Variants in ASTN2 observed in about 807,000 individuals in gnomAD.
ASTN2 encodes astrotactin-2.
In ASTN2, 54 loss-of-function variants were observed where a neutral mutation model predicts 139.8. The ratio of observed to expected loss-of-function variants is 0.39; its 90% CI spans 0.31 to 0.48. ASTN2 has a LOEUF of 0.48. ASTN2 is among the 20% of genes least tolerant of loss of function. The pLI is 0.95. For missense variants in ASTN2, 1,565 were observed against 1,725.1 expected, an observed-to-expected ratio of 0.91 and a Z score of 1.64; for synonymous variants, 756 against 719.5, an observed-to-expected ratio of 1.05 and a Z score of -0.81.
At chr9:117,339,378 G>A (rs1306744764) in intron 1 of ASTN2, among the ~76,000 whole-genome samples, 2 of 152,080 alleles carry the variant, frequency 1.3e-5, no homozygotes, top group Non-Finnish European at 2.9e-5. Flanking sequence ...GGCAGAAAGA[G>A]GCAAGGTCAC....
chr9:117,254,663 T>A (rs1327159450), intron 2 of ASTN2, among the ~76,000 whole-genome samples: 1 of 152,244 alleles, frequency 6.6e-6, no homozygotes. Flanking sequence ...CAGACAGTTG[T>A]ATATATGTGT....
chr9:116,936,827 C>T (rs1835096421), intron 10 of ASTN2, among the ~76,000 whole-genome samples: 1 of 152,126 alleles, frequency 6.6e-6, no homozygotes, highest in Non-Finnish European at 1.5e-5. Context: ...CTTGGCACAC[C>T]TTGTTTATGT....
intron 1 of ASTN2, among the ~76,000 whole-genome samples, chr9:117,356,655 G>GA (rs1829546302): frequency 3.9e-5 from 6 of 152,106 alleles, no homozygotes; most frequent in Admixed American, 3.3e-4. Context: ...ATATAAAAAA[G>GA]AAAATTAGAG....
intron 10 of ASTN2, among the ~76,000 whole-genome samples, chr9:116,952,598 G>A (rs1835594036): frequency 6.6e-6 from 1 of 152,226 alleles, no homozygotes; most frequent in Non-Finnish European, 1.5e-5. Context: ...GACATGGGCA[G>A]CGTGACATGC....
At chr9:116,869,959 T>A (rs63062060) in intron 10 of ASTN2, among the ~76,000 whole-genome samples, 14 of 133,144 alleles carry the variant, frequency 1.1e-4, no homozygotes, top group East Asian at 4.2e-4. Flanking sequence ...TTTTTTTTTT[T>A]AATTAGCCAG....
chr9:116,774,367 G>T (rs1463836939), intron 13 of ASTN2, among the ~76,000 whole-genome samples: 2 of 152,156 alleles, frequency 1.3e-5, no homozygotes, highest in African/African-American at 2.4e-5. Flanking sequence ...CAGGGTAAAG[G>T]AAAAGGTATC....
chr9:117,358,705 A>G (rs1455697422), intron 1 of ASTN2, among the ~76,000 whole-genome samples: 2 of 152,136 alleles, frequency 1.3e-5, no homozygotes, highest in Non-Finnish European at 2.9e-5. Context: ...GAGCAGAGAA[A>G]CGAAGAAAGT....
At chr9:117,071,323 GGGGGTCA>G (rs1564412277) in intron 5 of ASTN2, among the ~76,000 whole-genome samples, 1 of 151,804 alleles carries the variant, frequency 6.6e-6, no homozygotes, top group Non-Finnish European at 1.5e-5. Context: ...TAGGCTGCTC[GGGGGTCA>G]GGGGTCAGGG....
chr9:116,930,457 AAG>A, intron 10 of ASTN2, among the ~76,000 whole-genome samples: 1 of 151,822 alleles, frequency 6.6e-6, no homozygotes, highest in Non-Finnish European at 1.5e-5. Flanking sequence ...GAGTGAAAAA[AAG>A]GGGATGGCAC....
chr9:116,819,341 G>T (rs1361825441), intron 12 of ASTN2, among the ~76,000 whole-genome samples: 2 of 152,134 alleles, frequency 1.3e-5, no homozygotes, highest in Admixed American at 1.3e-4. Context: ...CTTAAGCTGA[G>T]GAGAGATCGC....
chr9:116,647,697 G>A (rs16933793), intron 17 of ASTN2, among the ~76,000 whole-genome samples: 4,471 of 152,280 alleles, frequency 0.029, 204 homozygotes, highest in African/African-American at 0.1. Context: ...TCACTGGAGC[G>A]AGTTCACAGA....
chr9:117,349,389 T>C (rs564118197), intron 1 of ASTN2, among the ~76,000 whole-genome samples: 2 of 152,312 alleles, frequency 1.3e-5, no homozygotes, highest in South Asian at 4.1e-4. Flanking sequence ...TTCGAACTTG[T>C]TGAGAATCTA....
intron 20 of ASTN2, among the ~76,000 whole-genome samples, chr9:116,469,880 T>G (rs1031482930): frequency 6.6e-6 from 1 of 152,168 alleles, no homozygotes; most frequent in Non-Finnish European, 1.5e-5. Flanking sequence ...ATTTAGATTA[T>G]GGGTTCTGGG....
At chr9:116,876,502 TTC>T (rs1301581153) in intron 10 of ASTN2, among the ~76,000 whole-genome samples, 1 of 152,188 alleles carries the variant, frequency 6.6e-6, no homozygotes, top group Non-Finnish European at 1.5e-5. Context: ...TTTCAAAAAG[TTC>T]TGTGGGTAAA....
At chr9:116,632,144 G>GAGAGAGAGAC (rs1564168547) in intron 17 of ASTN2, among the ~76,000 whole-genome samples, 4 of 76,776 alleles carry the variant, frequency 5.2e-5, no homozygotes, top group Admixed American at 1.5e-4. Context: ...GAGAGAGAGA[G>GAGAGAGAGAC]AGAGAGAGAG....
At chr9:117,142,491 A>T (rs188580085) in intron 3 of ASTN2, among the ~76,000 whole-genome samples, 1 of 152,166 alleles carries the variant, frequency 6.6e-6, no homozygotes, top group African/African-American at 2.4e-5. Flanking sequence ...GCCCCAAAAC[A>T]CAATATATGT....
intron 19 of ASTN2, among the ~76,000 whole-genome samples, chr9:116,493,811 G>T (rs955094807): frequency 6.6e-6 from 1 of 152,102 alleles, no homozygotes; most frequent in Non-Finnish European, 1.5e-5. Context: ...TGTGGGGGTG[G>T]GGACGGCAAG....
chr9:117,059,317 T>C lies in ASTN2; in HGVS notation c.1277-19352A>G, dbSNP rs145075711. Among the ~76,000 whole-genome samples the C allele has an allele frequency of 3.6e-3, 548 of 152,204 alleles. 6 individuals are homozygous for C. The highest frequency in any genetic ancestry group is 0.012 in the African/African-American group (516 of 41,540). On this transcript the variant is annotated intron_variant, in intron 5 of 22. Transcript: ENST00000313400. ...TCTTACTGCCATGGGGAAGTACAGA[T>C]AAAAACACAGAATAGGCCAGGCGTG... is the stretch of plus-strand genomic sequence containing the variant.
At chr9:116,771,560 C>T (rs1355300590) in intron 13 of ASTN2, among the ~76,000 whole-genome samples, 2 of 152,168 alleles carry the variant, frequency 1.3e-5, no homozygotes, top group African/African-American at 4.8e-5. Flanking sequence ...GAATCTGGCA[C>T]ATAGTAGGAG....
Sources: allele counts gnomAD v4.1 joint callset (sites outside exome capture counted in the v4.1 genomes callset), GRCh38; gene constraint gnomAD v4.1.1; transcripts MANE v1.5; gene names NCBI Gene and HGNC (gene_info 2026-07-23, HGNC 2026-07-21).